Variants in PTN observed in about 807,000 individuals in gnomAD.
PTN encodes the protein heparin affin regulatory protein.
Under a neutral mutation model 24.1 loss-of-function variants are expected in PTN, and 18 were observed. The ratio of observed to expected loss-of-function variants is 0.75; its 90% CI spans 0.52 to 1.11. The LOEUF (loss-of-function observed/expected upper bound fraction) is 1.11. Ranked by LOEUF, PTN falls within the 50% of genes least tolerant of loss-of-function variation. PTN has a pLI of 0.00. For synonymous variants in PTN, 78 were observed against 68.6 expected (o/e 1.14, Z -0.67); for missense variants, 163 against 198.8 (o/e 0.82, Z 1.08).
intron 3 of PTN, among the ~76,000 whole-genome samples, chr7:137,252,003 T>C (rs1377741206): frequency 6.6e-6 from 1 of 151,906 alleles, no homozygotes; most frequent in Non-Finnish European, 1.5e-5. Context: ...AATTCATGTA[T>C]AGGTTTTTGT....
rs753374720 is a variant in PTN, at chr7:137,283,952, A to ATTTTTTTTTTTTTTT, written c.-1-28993_-1-28979dup. Among the ~76,000 whole-genome samples, 14 of 48,922 alleles carry ATTTTTTTTTTTTTTT rather than the reference A, an allele frequency of 2.9e-4. 2 individuals are homozygous for ATTTTTTTTTTTTTTT. The highest frequency in any genetic ancestry group is 4.8e-4 in the African/African-American group (5 of 10,352). The allele number at this position is 48,922 out of a possible 152,430, so 32.1% of individuals were successfully genotyped here. A position where few individuals can be genotyped will look rare whatever the true frequency, so the allele number is the denominator to read the frequency against. ...AAATGAATGTGAAAATGAGCATCAG[A>ATTTTTTTTTTTTTTT]TTTTTTTTTTTTTTTTTTTTTTTTT... On this transcript the variant is annotated intron_variant, in intron 1 of 4. Coordinates refer to ENST00000348225, the MANE Select transcript of PTN (RefSeq NM_002825.7).
intron 1 of PTN, among the ~76,000 whole-genome samples, chr7:137,287,983 A>C (rs1045334912): frequency 6.6e-6 from 1 of 152,204 alleles, no homozygotes; most frequent in Non-Finnish European, 1.5e-5. Flanking sequence ...AGCTAATTTT[A>C]TTAAACCTAC....
intron 4 of PTN, among the ~76,000 whole-genome samples, chr7:137,229,432 A>G (rs538737900): frequency 6.6e-6 from 1 of 151,790 alleles, no homozygotes; most frequent in Non-Finnish European, 1.5e-5. Flanking sequence ...TATGATGCCA[A>G]CTAGAAATAT....
At chr7:137,239,989 C>T (rs1206829179) in intron 4 of PTN, among the ~76,000 whole-genome samples, 1 of 152,098 alleles carries the variant, frequency 6.6e-6, no homozygotes, top group African/African-American at 2.4e-5. Context: ...GGACTTTGAA[C>T]TTCTGCTTGT....
chr7:137,337,006 C>T (rs544337145), intron 1 of PTN, among the ~76,000 whole-genome samples: 4 of 152,266 alleles, frequency 2.6e-5, no homozygotes, highest in African/African-American at 9.6e-5. Flanking sequence ...TATTTTGGAC[C>T]TTGGAGCTCA....
chr7:137,317,155 G>A (rs559786626), intron 1 of PTN, among the ~76,000 whole-genome samples: 15 of 152,330 alleles, frequency 9.8e-5, no homozygotes, highest in Admixed American at 6.5e-4. Context: ...CAGGCTTGAT[G>A]AAAATCGGCC....
At chr7:137,243,105 T>C (rs994846255) in intron 4 of PTN, among the ~76,000 whole-genome samples, 4 of 152,090 alleles carry the variant, frequency 2.6e-5, no homozygotes, top group Non-Finnish European at 5.9e-5. Flanking sequence ...CCCATCTAAT[T>C]TTTGTATTTT....
chr7:137,295,824 CTT>C (rs1809710250), intron 1 of PTN, among the ~76,000 whole-genome samples: 1 of 151,864 alleles, frequency 6.6e-6, no homozygotes, highest in Non-Finnish European at 1.5e-5. Flanking sequence ...TTAAATGGAA[CTT>C]TGCCCTCCAG....
rs1442481321 is a variant in PTN at position 137,343,595 on chromosome 7, T to C, written c.-158A>G. On this transcript the variant is annotated 5_prime_UTR_variant, in exon 1 of 5. Coordinates refer to ENST00000348225, the MANE Select transcript of PTN (RefSeq NM_002825.7). ...GACGGATGACTCACTGGTCTCTTTCTTCCCCTCTCTCCACTTTGGATTTTC... is the reference window on the plus strand; with the variant it reads ...GACGGATGACTCACTGGTCTCTTTCCTCCCCTCTCTCCACTTTGGATTTTC... The C allele has an allele frequency of 1.9e-6, 1 of 518,884 alleles. No homozygotes were observed. The highest frequency in any genetic ancestry group is 1.9e-5 in the African/African-American group (1 of 51,944). 32.1% of individuals were successfully genotyped at this position (518,884 alleles called of 1,614,324 possible). A position where few individuals can be genotyped will look rare whatever the true frequency, so the allele number is the denominator to read the frequency against.
intron 4 of PTN, among the ~76,000 whole-genome samples, chr7:137,228,314 G>A (rs78734830): frequency 0.06 from 9,116 of 151,802 alleles, 316 homozygotes; most frequent in Middle Eastern, 0.088. Context: ...GTGGGCAGGA[G>A]GAACATAGCC....
At chr7:137,266,392 A>G (rs185214881) in intron 1 of PTN, among the ~76,000 whole-genome samples, 1 of 152,296 alleles carries the variant, frequency 6.6e-6, no homozygotes, top group East Asian at 1.9e-4. Context: ...CACCTTGCAC[A>G]TAAACTGTTT....
At chr7:137,304,282 A>G (rs1400483739) in intron 1 of PTN, among the ~76,000 whole-genome samples, 2 of 151,858 alleles carry the variant, frequency 1.3e-5, no homozygotes, top group East Asian at 3.9e-4. Flanking sequence ...TCCACAGTGG[A>G]AATCAGAAGC....
At chr7:137,314,150 G>T (rs897082280) in intron 1 of PTN, among the ~76,000 whole-genome samples, 1 of 152,106 alleles carries the variant, frequency 6.6e-6, no homozygotes, top group African/African-American at 2.4e-5. Context: ...AGTCATTGTG[G>T]CTCAGTGTTC....
chr7:137,280,670 A>T lies in PTN; in HGVS notation c.-1-25696T>A, dbSNP rs561285608. ...GGAGCTCAAGACCAGTCTGGCCAAC[A>T]TGGCAAAACCCCGTCTCTACTAAAA... is the stretch of plus-strand genomic sequence containing the variant. On this transcript the variant is annotated intron_variant, in intron 1 of 4. Transcript: ENST00000348225. Among the ~76,000 whole-genome samples, 714 of 134,792 alleles carry T rather than the reference A, an allele frequency of 5.3e-3. 7 individuals are homozygous for T. The highest frequency in any genetic ancestry group is 0.032 in the South Asian group (126 of 3,878). 88.4% of individuals were successfully genotyped at this position (134,792 alleles called of 152,430 possible).
intron 1 of PTN, among the ~76,000 whole-genome samples, chr7:137,290,092 C>T (rs1457045216): frequency 6.6e-6 from 1 of 152,120 alleles, no homozygotes; most frequent in Admixed American, 6.5e-5. Context: ...GAGCAAGTCA[C>T]GTCTTACATG....
chr7:137,282,262 T>C (rs74823091), intron 1 of PTN, among the ~76,000 whole-genome samples: 1,759 of 152,344 alleles, frequency 0.012, 25 homozygotes, highest in African/African-American at 0.04. Flanking sequence ...CTTACAAAAG[T>C]ATGAGCTATG....
chr7:137,312,303 T>G (rs1809995526), intron 1 of PTN, among the ~76,000 whole-genome samples: 1 of 152,218 alleles, frequency 6.6e-6, no homozygotes, highest in Non-Finnish European at 1.5e-5. Flanking sequence ...CGATGCACAT[T>G]TCTTAGAACA....
At chr7:137,335,201 A>AT (rs1012990655) in intron 1 of PTN, among the ~76,000 whole-genome samples, 5 of 148,294 alleles carry the variant, frequency 3.4e-5, no homozygotes, top group African/African-American at 1.0e-4. Context: ...AATAATAATA[A>AT]AAAAAAAAGA....
chr7:137,232,129 C>T (rs1808436991), intron 4 of PTN, among the ~76,000 whole-genome samples: 1 of 151,932 alleles, frequency 6.6e-6, no homozygotes, highest in South Asian at 2.1e-4. Context: ...ACATACACCA[C>T]ACATCAAATA....
Sources: gnomAD v4.1 joint callset for allele counts (sites outside exome capture counted in the v4.1 genomes callset) on GRCh38, gnomAD v4.1.1 for gene constraint, MANE v1.5 for transcripts, NCBI Gene and HGNC (gene_info 2026-07-23, HGNC 2026-07-21) for gene names.